SYNDIG1: variants seen among roughly 807,000 people sequenced by gnomAD.
SYNDIG1 encodes synapse differentiation-inducing gene protein 1.
SYNDIG1 carries 9 observed loss-of-function variants against 19.4 expected under a neutral mutation model. That is an observed-to-expected ratio of 0.46 (90% CI 0.28 to 0.81). The LOEUF is 0.81. Ranked by LOEUF, SYNDIG1 falls within the 30% of genes least tolerant of loss-of-function variation. The pLI is 0.12. For synonymous variants in SYNDIG1, 141 were observed against 145.9 expected, an observed-to-expected ratio of 0.97 and a Z score of 0.24; for missense variants, 311 against 343.3, an observed-to-expected ratio of 0.91 and a Z score of 0.74.
chr20:24,564,453 G>A (rs1029767895), intron 2 of SYNDIG1, among the ~76,000 whole-genome samples: 8 of 152,178 alleles, frequency 5.3e-5, no homozygotes, highest in African/African-American at 1.4e-4. Flanking sequence ...AGTTTGGGGT[G>A]CATCACAAGC....
intron 2 of SYNDIG1, among the ~76,000 whole-genome samples, chr20:24,547,825 G>C (rs1366330545): frequency 6.6e-6 from 1 of 151,476 alleles, no homozygotes; most frequent in East Asian, 1.9e-4. Flanking sequence ...TATACAATTT[G>C]AGTTTACAGC....
intron 1 of SYNDIG1, among the ~76,000 whole-genome samples, chr20:24,517,553 A>G (rs1397610594): frequency 3.3e-4 from 49 of 147,106 alleles, no homozygotes; most frequent in African/African-American, 1.2e-3. Flanking sequence ...TGGGAGGCGG[A>G]GCTTGCAGTG....
At chr20:24,589,607 T>C (rs1490669188) in intron 3 of SYNDIG1, among the ~76,000 whole-genome samples, 1 of 152,238 alleles carries the variant, frequency 6.6e-6, no homozygotes, top group Non-Finnish European at 1.5e-5. Flanking sequence ...GCATTGGGCC[T>C]GGACCTGCGC....
At chr20:24,663,633 T>C (rs2059623180) in intron 3 of SYNDIG1, among the ~76,000 whole-genome samples, 1 of 152,186 alleles carries the variant, frequency 6.6e-6, no homozygotes, top group African/African-American at 2.4e-5. Flanking sequence ...GGAAGGCAAC[T>C]ATTCCGCAAG....
intron 2 of SYNDIG1, among the ~76,000 whole-genome samples, chr20:24,573,721 A>G (rs1168579172): frequency 6.6e-6 from 1 of 152,182 alleles, no homozygotes; most frequent in Non-Finnish European, 1.5e-5. Context: ...GAGGTTTCTC[A>G]TCCTGCATGA....
intron 1 of SYNDIG1, among the ~76,000 whole-genome samples, chr20:24,481,261 C>T (rs1265676884): frequency 6.6e-6 from 1 of 152,162 alleles, no homozygotes; most frequent in Non-Finnish European, 1.5e-5. Flanking sequence ...ATCTGTGGGT[C>T]AGGAATTTGA....
At chr20:24,652,174 G>A (rs555592170) in intron 3 of SYNDIG1, among the ~76,000 whole-genome samples, 1 of 152,308 alleles carries the variant, frequency 6.6e-6, no homozygotes, top group South Asian at 2.1e-4. Context: ...TGAGCACTCG[G>A]GTTGCATCCA....
At chr20:24,530,674 C>T (rs1218559449) in intron 1 of SYNDIG1, among the ~76,000 whole-genome samples, 1 of 152,184 alleles carries the variant, frequency 6.6e-6, no homozygotes, top group Non-Finnish European at 1.5e-5. Flanking sequence ...CTGGTGCCCT[C>T]CTAATGCCTT....
intron 3 of SYNDIG1, among the ~76,000 whole-genome samples, chr20:24,645,911 A>G (rs958401105): frequency 1.3e-5 from 2 of 152,094 alleles, no homozygotes; most frequent in African/African-American, 4.8e-5. Context: ...AGCTACAACA[A>G]TGGTTTGCAG....
intron 3 of SYNDIG1, among the ~76,000 whole-genome samples, chr20:24,657,478 G>A (rs1161170960): frequency 1.3e-5 from 2 of 152,172 alleles, no homozygotes; most frequent in South Asian, 2.1e-4. Context: ...TGGTGTTTGA[G>A]TTGGGTTGTA....
At chr20:24,650,475 A>G (rs1014202234) in intron 3 of SYNDIG1, among the ~76,000 whole-genome samples, 2 of 152,260 alleles carry the variant, frequency 1.3e-5, no homozygotes, top group African/African-American at 4.8e-5. Flanking sequence ...AGTCAGCACC[A>G]TGGAGCCAAA....
intron 3 of SYNDIG1, among the ~76,000 whole-genome samples, chr20:24,655,201 T>A (rs867759135): frequency 6.6e-6 from 1 of 152,170 alleles, no homozygotes; most frequent in Non-Finnish European, 1.5e-5. Context: ...AATTAATAGA[T>A]TATCTGATAT....
intron 2 of SYNDIG1, among the ~76,000 whole-genome samples, chr20:24,581,169 G>A (rs745319381): frequency 3.3e-5 from 5 of 152,254 alleles, no homozygotes; most frequent in African/African-American, 7.2e-5. Flanking sequence ...CCCTGGGTGC[G>A]CAGCTGGCAT....
chr20:24,583,767 A>G (rs2058368171), intron 2 of SYNDIG1, among the ~76,000 whole-genome samples: 1 of 152,178 alleles, frequency 6.6e-6, no homozygotes, highest in Non-Finnish European at 1.5e-5. Flanking sequence ...CTGCTTTTCA[A>G]AAATTACTAT....
intron 1 of SYNDIG1, among the ~76,000 whole-genome samples, chr20:24,528,070 T>C (rs963197049): frequency 1.3e-5 from 2 of 152,238 alleles, no homozygotes; most frequent in Non-Finnish European, 2.9e-5. Flanking sequence ...TGGTGATATT[T>C]GGAGATTTTC....
chr20:24,550,756 C>A (rs992880926), intron 2 of SYNDIG1, among the ~76,000 whole-genome samples: 1 of 152,064 alleles, frequency 6.6e-6, no homozygotes, highest in Non-Finnish European at 1.5e-5. Flanking sequence ...GTGATCTGCC[C>A]GCCTCGGCCT....
chr20:24,565,562 A>G (rs1036036476), intron 2 of SYNDIG1, among the ~76,000 whole-genome samples: 3 of 152,118 alleles, frequency 2.0e-5, no homozygotes, highest in African/African-American at 7.2e-5. Flanking sequence ...GGTAGATGCT[A>G]TGGAATTTGT....
chr20:24,630,916 C>A (rs767356396), intron 3 of SYNDIG1, among the ~76,000 whole-genome samples: 21 of 152,362 alleles, frequency 1.4e-4, no homozygotes, highest in Non-Finnish European at 2.6e-4. Flanking sequence ...CAATAAAGAA[C>A]ACTCTCTAAA....
At chr20:24,634,272 T>G (rs1234400930) in intron 3 of SYNDIG1, among the ~76,000 whole-genome samples, 2 of 152,230 alleles carry the variant, frequency 1.3e-5, no homozygotes, top group Non-Finnish European at 2.9e-5. Context: ...ACACCAGCAT[T>G]GACATTTTTA....
Sources: allele counts gnomAD v4.1 joint callset (sites outside exome capture counted in the v4.1 genomes callset), GRCh38; gene constraint gnomAD v4.1.1; transcripts MANE v1.5; gene names NCBI Gene and HGNC (gene_info 2026-07-23, HGNC 2026-07-21).